The following PDE4D variants were observed in gnomAD, a reference collection of about 807,000 sequenced individuals.
The protein encoded by PDE4D is phosphodiesterase 4D.
Under a neutral mutation model 87.4 loss-of-function variants are expected in PDE4D, and 24 were observed. The ratio of observed to expected loss-of-function variants is 0.27; its 90% CI spans 0.20 to 0.39. The LOEUF is 0.39. Ranked by LOEUF, PDE4D falls within the 10% of genes least tolerant of loss-of-function variation. The pLI, the probability that PDE4D is intolerant of heterozygous loss-of-function variation, is 1.00. For synonymous variants in PDE4D, 384 were observed against 383.2 expected (o/e 1.00, Z -0.02); for missense variants, 714 against 1,041.0 (o/e 0.69, Z 4.32).
chr5:59,347,313 C>A (rs1477654120), intron 1 of PDE4D, among the ~76,000 whole-genome samples: 1 of 152,090 alleles, frequency 6.6e-6, no homozygotes, highest in African/African-American at 2.4e-5. Context: ...ATCCACAAAT[C>A]AATTAAAGGC....
chr5:60,077,991 G>T (rs2152901289), intron 2 of PDE4D, among the ~76,000 whole-genome samples: 1 of 152,176 alleles, frequency 6.6e-6, no homozygotes, highest in East Asian at 1.9e-4. Context: ...CCCTCTATCT[G>T]CCCTCAGTGC....
intron 6 of PDE4D, among the ~76,000 whole-genome samples, chr5:59,026,228 G>A (rs984082149): frequency 5.9e-5 from 9 of 152,152 alleles, no homozygotes; most frequent in Admixed American, 2.6e-4. Context: ...TAATTTAAAC[G>A]AGATGAGATT....
chr5:59,590,520 A>T (rs1406604276), intron 1 of PDE4D, among the ~76,000 whole-genome samples: 11 of 152,120 alleles, frequency 7.2e-5, no homozygotes, highest in Admixed American at 7.2e-4. Flanking sequence ...AAAAATTAAA[A>T]AGAAATATCA....
chr5:60,272,312 G>C (rs569522340), intron 1 of PDE4D, among the ~76,000 whole-genome samples: 2 of 152,336 alleles, frequency 1.3e-5, no homozygotes, highest in African/African-American at 4.8e-5. Flanking sequence ...TTGGGCTGGA[G>C]TGTTTGTCAT....
chr5:59,845,482 T>C (rs1743702531), intron 1 of PDE4D, among the ~76,000 whole-genome samples: 1 of 152,138 alleles, frequency 6.6e-6, no homozygotes, highest in Non-Finnish European at 1.5e-5. Context: ...GTGTGGATAC[T>C]GAGCCTCAGA....
intron 1 of PDE4D, among the ~76,000 whole-genome samples, chr5:59,867,802 A>T (rs1247088714): frequency 6.6e-6 from 1 of 152,178 alleles, no homozygotes; most frequent in Non-Finnish European, 1.5e-5. Context: ...TCCTTGCTAT[A>T]TCATTAGGGA....
intron 1 of PDE4D, among the ~76,000 whole-genome samples, chr5:59,393,968 T>A (rs1042400366): frequency 2.0e-5 from 3 of 152,242 alleles, no homozygotes; most frequent in African/African-American, 4.8e-5. Context: ...TTAGAAATAG[T>A]ATTTTTTATC....
chr5:59,154,818 G>C (rs1779927750), intron 5 of PDE4D, among the ~76,000 whole-genome samples: 2 of 152,134 alleles, frequency 1.3e-5, no homozygotes, highest in African/African-American at 4.8e-5. Flanking sequence ...CCCAGGAGGT[G>C]GAGGTTACAG....
upstream of PDE4D, among the ~76,000 whole-genome samples, chr5:59,898,241 A>C (rs1289917056): frequency 3.9e-5 from 6 of 152,214 alleles, no homozygotes; most frequent in East Asian, 1.2e-3. Context: ...CTTTCTAATG[A>C]TACCATTCCA....
chr5:59,678,948 A>C (rs1168013873), intron 1 of PDE4D, among the ~76,000 whole-genome samples: 1 of 152,198 alleles, frequency 6.6e-6, no homozygotes, highest in Non-Finnish European at 1.5e-5. Flanking sequence ...CTCTCAAGTA[A>C]TATATGTGTG....
At chr5:59,158,730 C>T (rs1780595233) in intron 5 of PDE4D, among the ~76,000 whole-genome samples, 1 of 152,140 alleles carries the variant, frequency 6.6e-6, no homozygotes, top group Admixed American at 6.5e-5. Context: ...CAGAACACAA[C>T]CCAGGTTAAA....
intron 2 of PDE4D, among the ~76,000 whole-genome samples, chr5:60,126,018 T>G (rs1167334141): frequency 6.6e-6 from 1 of 152,110 alleles, no homozygotes; most frequent in Non-Finnish European, 1.5e-5. Context: ...GAGAAATAGT[T>G]GGGGGCATGG....
chr5:59,378,182 A>C (rs1242075747), intron 1 of PDE4D, among the ~76,000 whole-genome samples: 1 of 152,246 alleles, frequency 6.6e-6, no homozygotes, highest in Non-Finnish European at 1.5e-5. Flanking sequence ...ATGCAAGAAC[A>C]GAAAACCAAA....
At position 59,886,546 on chromosome 5, in the gene PDE4D, G is replaced by C. The variant is rs113865587; in HGVS notation, c.455+6622C>G. On this transcript the variant is annotated intron_variant, in intron 1 of 14. Coordinates refer to ENST00000340635, the MANE Select transcript of PDE4D (RefSeq NM_001104631.2). ...TAAAAAAATAAAAAAATAAAGAAAA[G>C]AAAAATATTCCTTCTTTGTGTAGGA... Among the ~76,000 whole-genome samples, 958 of 151,808 alleles carry C rather than the reference G, an allele frequency of 6.3e-3. 10 individuals carry two copies. Among genetic ancestry groups the C allele is most frequent in the African/African-American group, 0.022 (926 of 41,476 alleles).
chr5:60,453,064 T>G (rs1259400775), intron 1 of PDE4D, among the ~76,000 whole-genome samples: 1 of 152,154 alleles, frequency 6.6e-6, no homozygotes, highest in African/African-American at 2.4e-5. Context: ...ACTGTAAACA[T>G]GGGCAGTCAG....
chr5:60,460,076 C>T, intron 1 of PDE4D: 2 of 1,601,618 alleles, frequency 1.2e-6, no homozygotes, highest in Non-Finnish European at 1.7e-6. Context: ...AACTCATCAG[C>T]ACCTGCATCA....
intron 1 of PDE4D, among the ~76,000 whole-genome samples, chr5:60,469,983 T>G (rs1298181956): frequency 6.6e-6 from 1 of 152,158 alleles, no homozygotes; most frequent in Non-Finnish European, 1.5e-5. Flanking sequence ...ATAAGCTTAG[T>G]GAGGAGGGCA....
intron 2 of PDE4D, among the ~76,000 whole-genome samples, chr5:60,094,616 A>C (rs956183082): frequency 4.3e-5 from 2 of 46,488 alleles, no homozygotes; most frequent in Non-Finnish European, 4.5e-5. Context: ...TTTTTTTTTT[A>C]AGTTGGAGGG....
At chr5:59,576,018 G>GT (rs1347576034) in intron 1 of PDE4D, among the ~76,000 whole-genome samples, 1 of 152,144 alleles carries the variant, frequency 6.6e-6, no homozygotes, top group Non-Finnish European at 1.5e-5. Context: ...GCAACCTATA[G>GT]TTAATGGGTA....
Sources: gnomAD v4.1 joint callset for allele counts (sites outside exome capture counted in the v4.1 genomes callset) on GRCh38, gnomAD v4.1.1 for gene constraint, MANE v1.5 for transcripts, NCBI Gene and HGNC (gene_info 2026-07-23, HGNC 2026-07-21) for gene names.